Variants in CDH18 observed in about 807,000 individuals in gnomAD.
CDH18 encodes cadherin 18.
Under a neutral mutation model 67.9 loss-of-function variants are expected in CDH18, and 31 were observed. The ratio of observed to expected loss-of-function variants is 0.46; its 90% CI spans 0.34 to 0.62. CDH18 has a LOEUF of 0.62. Ranked by LOEUF, CDH18 falls within the 20% of genes least tolerant of loss-of-function variation. The pLI, the probability that CDH18 is intolerant of heterozygous loss-of-function variation, is 0.01. For missense variants in CDH18, 890 were observed against 975.5 expected (o/e 0.91, Z 1.17); for synonymous variants, 362 against 347.2 (o/e 1.04, Z -0.48).
intron 1 of CDH18, among the ~76,000 whole-genome samples, chr5:20,357,441 A>G (rs947579489): frequency 6.6e-6 from 1 of 152,202 alleles, no homozygotes; most frequent in Non-Finnish European, 1.5e-5. Context: ...ACCTTCTATC[A>G]TTATTAGATA....
intron 2 of CDH18, among the ~76,000 whole-genome samples, chr5:19,904,252 C>T (rs1340705668): frequency 6.8e-6 from 1 of 147,266 alleles, no homozygotes; most frequent in Admixed American, 6.9e-5. Context: ...CCAGCCTGGG[C>T]GACAGTTAGA....
intron 5 of CDH18, among the ~76,000 whole-genome samples, chr5:19,715,189 G>A (rs1309488369): frequency 3.3e-5 from 5 of 151,892 alleles, no homozygotes; most frequent in African/African-American, 9.7e-5. Context: ...TTTCCTCACT[G>A]AGCAAAAATG....
chr5:19,781,653 G>A (rs1328678114), intron 3 of CDH18, among the ~76,000 whole-genome samples: 1 of 152,040 alleles, frequency 6.6e-6, no homozygotes, highest in African/African-American at 2.4e-5. Flanking sequence ...ATTATTAAAT[G>A]ATTTGGTATT....
At chr5:19,827,658 T>C (rs1780543969) in intron 3 of CDH18, among the ~76,000 whole-genome samples, 1 of 152,126 alleles carries the variant, frequency 6.6e-6, no homozygotes, top group South Asian at 2.1e-4. Flanking sequence ...AACAATGAAA[T>C]TAAGTCAGAA....
At chr5:20,448,081 T>A (rs1334812615) in intron 1 of CDH18, among the ~76,000 whole-genome samples, 5 of 151,716 alleles carry the variant, frequency 3.3e-5, no homozygotes, top group African/African-American at 1.2e-4. Context: ...GGCCCTGGTG[T>A]GTGATGTTCC....
intron 2 of CDH18, among the ~76,000 whole-genome samples, chr5:19,975,156 A>G (rs1220447596): frequency 2.6e-5 from 4 of 152,144 alleles, no homozygotes; most frequent in African/African-American, 9.7e-5. Flanking sequence ...TAACTAAATC[A>G]ATAAGTTATA....
intron 1 of CDH18, among the ~76,000 whole-genome samples, chr5:20,275,143 T>C (rs754477236): frequency 6.6e-6 from 1 of 152,258 alleles, no homozygotes; most frequent in African/African-American, 2.4e-5. Context: ...CCTGAGATTA[T>C]ATATCCACTT....
intron 1 of CDH18, among the ~76,000 whole-genome samples, chr5:20,506,802 A>T (rs1105556): frequency 0.47 from 72,096 of 152,064 alleles, 17,324 homozygotes; most frequent in East Asian, 0.56. Flanking sequence ...CATTTTTTCT[A>T]CCAAGTGTTG....
rs562472977 is a variant in CDH18 at position 20,567,768 on chromosome 5, G to T, written c.-580+7694C>A. 9.2e-5 allele frequency among the ~76,000 whole-genome samples: 14 copies of T among 152,278 alleles called. No homozygotes were observed. The East Asian group carries it at 2.7e-3, about 29-fold the overall frequency. On this transcript the variant is annotated intron_variant, in intron 1 of 14. Transcript: ENST00000507958. ...GTCCAGCATCATAGAAGAGAGGACA[G>T]ACTGGAACATTTAAACACAAAAGAC...
intron 1 of CDH18, among the ~76,000 whole-genome samples, chr5:20,290,697 T>C (rs1580678166): frequency 6.6e-6 from 1 of 152,142 alleles, no homozygotes; most frequent in South Asian, 2.1e-4. Context: ...GCAAAGGTGA[T>C]ATGTTCAAAG....
chr5:19,945,190 C>T (rs1795179746), intron 2 of CDH18, among the ~76,000 whole-genome samples: 1 of 152,118 alleles, frequency 6.6e-6, no homozygotes, highest in Non-Finnish European at 1.5e-5. Context: ...GCAAGCCCAG[C>T]AGCTTCTTCC....
rs1737698390 is a variant in CDH18, at chr5:20,318,753, C to T, written c.-579-63248G>A. 1.3e-5 allele frequency among the ~76,000 whole-genome samples: 2 copies of T among 152,072 alleles called. 1 individual carries two copies. Among genetic ancestry groups the T allele is most frequent in the South Asian group, 4.1e-4 (2 of 4,830 alleles). On this transcript the variant is annotated intron_variant, in intron 1 of 14. Coordinates refer to the CDH18 transcript ENST00000507958. ...GCAGAGCCATGAGCCAATTAAATCTCTTTTCTTTTTTTAAAAAATTATACT... is the reference window on the plus strand; with the variant it reads ...GCAGAGCCATGAGCCAATTAAATCTTTTTTCTTTTTTTAAAAAATTATACT...
At chr5:19,769,519 G>A (rs1332529595) in intron 3 of CDH18, among the ~76,000 whole-genome samples, 2 of 152,042 alleles carry the variant, frequency 1.3e-5, no homozygotes, top group Non-Finnish European at 2.9e-5. Context: ...TTTTTTGCTA[G>A]TAGATCTGCC....
intron 1 of CDH18, among the ~76,000 whole-genome samples, chr5:20,516,133 G>T (rs919149989): frequency 6.6e-6 from 1 of 151,818 alleles, no homozygotes; most frequent in Non-Finnish European, 1.5e-5. Context: ...AATTGTAAGA[G>T]GTTTGTAGTA....
intron 1 of CDH18, among the ~76,000 whole-genome samples, chr5:20,418,510 C>T (rs1747540503): frequency 6.6e-6 from 1 of 151,834 alleles, no homozygotes; most frequent in African/African-American, 2.4e-5. Flanking sequence ...CCTAGAGTGA[C>T]ATTTGCTACT....
At chr5:20,336,724 CAAAAAAAAAAAAAAA>C (rs59083214) in intron 1 of CDH18, among the ~76,000 whole-genome samples, 4 of 63,478 alleles carry the variant, frequency 6.3e-5, no homozygotes, top group African/African-American at 6.9e-5. Flanking sequence ...GCCTCTGTCT[CAAAAAAAAAAAAAAA>C]AAAAAAAAAA....
intron 2 of CDH18, among the ~76,000 whole-genome samples, chr5:19,857,509 C>T (rs1346541739): frequency 6.6e-6 from 1 of 152,042 alleles, no homozygotes; most frequent in African/African-American, 2.4e-5. Flanking sequence ...GAGACACAGA[C>T]ATAACACAGA....
chr5:19,489,982 GT>G (rs879418524), intron 11 of CDH18, among the ~76,000 whole-genome samples: 5 of 151,864 alleles, frequency 3.3e-5, no homozygotes, highest in African/African-American at 9.7e-5. Flanking sequence ...AAGAACAGCT[GT>G]TTTTTTAAAA....
At chr5:20,527,134 A>G (rs940255844) in intron 1 of CDH18, among the ~76,000 whole-genome samples, 2 of 152,132 alleles carry the variant, frequency 1.3e-5, no homozygotes, top group Admixed American at 6.5e-5. Flanking sequence ...TCAATAGCTG[A>G]ACCAAACAAC....
Sources: gnomAD v4.1 joint callset for allele counts (sites outside exome capture counted in the v4.1 genomes callset) on GRCh38, gnomAD v4.1.1 for gene constraint, MANE v1.5 for transcripts, NCBI Gene and HGNC (gene_info 2026-07-23, HGNC 2026-07-21) for gene names.